The following NBEA variants were observed in gnomAD, a reference collection of about 807,000 sequenced individuals.
NBEA encodes lysosomal-trafficking regulator 2.
Under a neutral mutation model 343.4 loss-of-function variants are expected in NBEA, and 44 were observed. That is an observed-to-expected ratio of 0.13 (90% CI 0.10 to 0.16). NBEA has a LOEUF of 0.16. NBEA is among the 10% of genes least tolerant of loss of function. NBEA has a pLI of 1.00. For synonymous variants in NBEA, 1,175 were observed against 1,238.7 expected, an observed-to-expected ratio of 0.95 and a Z score of 1.08; for missense variants, 2,555 against 3,631.3, an observed-to-expected ratio of 0.70 and a Z score of 7.62.
At chr13:35,593,857 T>A (rs746946634) in intron 47 of NBEA, among the ~76,000 whole-genome samples, 1 of 152,086 alleles carries the variant, frequency 6.6e-6, no homozygotes, top group Non-Finnish European at 1.5e-5. Flanking sequence ...TAATAAAGCA[T>A]TAATGACAAG....
intron 36 of NBEA, among the ~76,000 whole-genome samples, chr13:35,345,502 A>C (rs1334986809): frequency 6.6e-6 from 1 of 152,088 alleles, no homozygotes; most frequent in African/African-American, 2.4e-5. Context: ...CGCCTCTCAA[A>C]ACCTGAGTTA....
intron 17 of NBEA, among the ~76,000 whole-genome samples, chr13:35,125,904 C>T (rs2067107258): frequency 6.6e-6 from 1 of 151,994 alleles, no homozygotes; most frequent in African/African-American, 2.4e-5. Flanking sequence ...AGAAGTAATC[C>T]AGCTACTCCG....
At chr13:35,124,801 G>GAT (rs1200397786) in intron 17 of NBEA, among the ~76,000 whole-genome samples, 2 of 149,886 alleles carry the variant, frequency 1.3e-5, no homozygotes, top group African/African-American at 2.5e-5. Flanking sequence ...CACATATATG[G>GAT]ATATATATAC....
chr13:34,995,926 C>G (rs73485790), intron 1 of NBEA, among the ~76,000 whole-genome samples: 1 of 152,194 alleles, frequency 6.6e-6, no homozygotes, highest in Non-Finnish European at 1.5e-5. Context: ...GCTAATGGGA[C>G]GTGAGCCTTT....
At chr13:35,417,804 C>G (rs552525648) in intron 38 of NBEA, among the ~76,000 whole-genome samples, 1 of 152,040 alleles carries the variant, frequency 6.6e-6, no homozygotes, top group Non-Finnish European at 1.5e-5. Flanking sequence ...AACTTTCTGT[C>G]GCGTTGATCT....
intron 1 of NBEA, among the ~76,000 whole-genome samples, chr13:34,950,647 G>T (rs2059323048): frequency 1.3e-5 from 2 of 151,364 alleles, no homozygotes; most frequent in Admixed American, 1.3e-4. Flanking sequence ...AAATATTACA[G>T]GACGAAGCAT....
intron 1 of NBEA, among the ~76,000 whole-genome samples, chr13:35,030,453 G>A (rs2062168320): frequency 6.6e-6 from 1 of 151,358 alleles, no homozygotes; most frequent in African/African-American, 2.4e-5. Context: ...GTCTATATTA[G>A]GATCCTGGAT....
rs369225614 is a variant in NBEA, at chr13:35,101,236, G to A, written c.1680+2831G>A. Among the ~76,000 whole-genome samples the A allele has an allele frequency of 2.6e-5, 4 of 151,876 alleles. No individual in the cohort carries two copies. In the South Asian group the frequency reaches 8.3e-4, roughly 31 times the overall value. ...AGATACCTAGGAGTTAATTTGCTGG[G>A]TCCTATGTTTATTTGAGAAACTATT... On this transcript the variant is annotated intron_variant, in intron 11 of 58. Coordinates refer to ENST00000379939, the MANE Select transcript of NBEA (RefSeq NM_001385012.1).
chr13:35,598,900 C>T (rs2081925301), intron 47 of NBEA, among the ~76,000 whole-genome samples: 1 of 152,144 alleles, frequency 6.6e-6, no homozygotes, highest in African/African-American at 2.4e-5. Context: ...CCTTCTATTG[C>T]TTGAAATACT....
intron 38 of NBEA, among the ~76,000 whole-genome samples, chr13:35,372,800 GC>G (rs1566042471): frequency 2.0e-5 from 3 of 152,096 alleles, no homozygotes; most frequent in Non-Finnish European, 4.4e-5. Flanking sequence ...CAACAGCATG[GC>G]AGCTGTGGGT....
chr13:35,017,708 A>G (rs370340922), intron 1 of NBEA, among the ~76,000 whole-genome samples: 1 of 152,144 alleles, frequency 6.6e-6, no homozygotes, highest in Non-Finnish European at 1.5e-5. Context: ...TACAAGTCTT[A>G]TCAGATATAT....
intron 46 of NBEA, among the ~76,000 whole-genome samples, chr13:35,591,744 G>T (rs538420128): frequency 1.1e-4 from 17 of 152,166 alleles, no homozygotes; most frequent in Admixed American, 2.6e-4. Context: ...AAGGTTAGTG[G>T]CAAGAAAGGG....
At chr13:35,370,645 T>C (rs1315234536) in intron 38 of NBEA, among the ~76,000 whole-genome samples, 2 of 152,236 alleles carry the variant, frequency 1.3e-5, no homozygotes, top group East Asian at 3.9e-4. Context: ...CATTGTGGTT[T>C]GGTGGTATTC....
At chr13:35,529,024 G>A (rs1471499264) in intron 41 of NBEA, among the ~76,000 whole-genome samples, 1 of 152,070 alleles carries the variant, frequency 6.6e-6, no homozygotes, top group African/African-American at 2.4e-5. Flanking sequence ...ATTCCTTTAT[G>A]TGAAATAATG....
At chr13:35,025,619 A>G (rs1260136091) in intron 1 of NBEA, among the ~76,000 whole-genome samples, 2 of 151,826 alleles carry the variant, frequency 1.3e-5, no homozygotes, top group Non-Finnish European at 2.9e-5. Flanking sequence ...TCTTTTTTTA[A>G]TGCCTGTGAC....
At chr13:34,949,099 G>A (rs1261087776) in intron 1 of NBEA, among the ~76,000 whole-genome samples, 4 of 152,154 alleles carry the variant, frequency 2.6e-5, no homozygotes, top group Non-Finnish European at 2.9e-5. Flanking sequence ...TGCAGTATAC[G>A]CCAGCCTTCT....
chr13:34,994,407 A>G (rs1330477689), intron 1 of NBEA, among the ~76,000 whole-genome samples: 1 of 152,092 alleles, frequency 6.6e-6, no homozygotes, highest in Non-Finnish European at 1.5e-5. Flanking sequence ...AAATGAAAGG[A>G]AAAACATATT....
chr13:35,058,932 TTTAGTGAAA>T (rs1465157653), intron 8 of NBEA, 69 bp downstream of exon 8: 9 of 1,312,352 alleles, frequency 6.9e-6, no homozygotes, highest in African/African-American at 1.5e-5. Flanking sequence ...TAATATCATT[TTTAGTGAAA>T]ATCTTTAATA....
chr13:35,133,760 A>G (rs2067559750), intron 17 of NBEA, among the ~76,000 whole-genome samples: 1 of 152,088 alleles, frequency 6.6e-6, no homozygotes, highest in Non-Finnish European at 1.5e-5. Context: ...TAAATTGCGT[A>G]TGAATAGATA....
Sources: allele counts gnomAD v4.1 joint callset (sites outside exome capture counted in the v4.1 genomes callset), GRCh38; gene constraint gnomAD v4.1.1; transcripts MANE v1.5; gene names NCBI Gene and HGNC (gene_info 2026-07-23, HGNC 2026-07-21).